The following SH3TC1 variants were observed in gnomAD, a reference collection of about 807,000 sequenced individuals.
SH3TC1 encodes the protein SH3 domain and tetratricopeptide repeat-containing protein 1.
Under a neutral mutation model 117.3 loss-of-function variants are expected in SH3TC1, and 135 were observed. The ratio of observed to expected loss-of-function variants is 1.15; its 90% CI spans 1.00 to 1.33. The LOEUF is 1.33. SH3TC1 is among the 40% of genes most tolerant of loss of function. SH3TC1 has a pLI of 0.00. For missense variants in SH3TC1, 2,092 were observed against 1,794.3 expected (o/e 1.17, Z -3.00); for synonymous variants, 898 against 816.9 (o/e 1.10, Z -1.69).
intron 7 of SH3TC1, 105 bp from the exon 8 acceptor site, chr4:8,218,165 AC>A (rs1719492831): frequency 4.4e-6 from 3 of 688,774 alleles, no homozygotes; most frequent in Non-Finnish European, 7.6e-6. Flanking sequence ...GAGGCGAGGG[AC>A]CTGCTCAGGT....
chr4:8,208,310 C>T (rs571393308), intron 2 of SH3TC1, among the ~76,000 whole-genome samples: 18 of 152,066 alleles, frequency 1.2e-4, no homozygotes, highest in Non-Finnish European at 2.2e-4. Context: ...TCAGGTGCAT[C>T]GGCCAACGGA....
In SH3TC1 at chr4:8,225,907, C is replaced by T. The variant is rs368803486; in HGVS notation, c.1285+691C>T. On this transcript the variant is annotated intron_variant, in intron 11 of 17. Coordinates refer to ENST00000245105, the MANE Select transcript of SH3TC1 (RefSeq NM_018986.5). The surrounding 1 kb of genome is among the most constrained non-coding windows in gnomAD (Gnocchi z 5.5). ...GGGAGGGGGTGGATCCACCCTCTGC[C>T]GAAGTCCCTGGAGCAAATGCGAGTG... 2.0e-5 allele frequency among the ~76,000 whole-genome samples: 3 copies of T among 152,086 alleles called. No individual in the cohort carries two copies. The highest frequency in any genetic ancestry group is 4.2e-4 in the South Asian group (2 of 4,808).
At chr4:8,219,795 C>T (rs1002932561) in intron 9 of SH3TC1, among the ~76,000 whole-genome samples, 3 of 152,216 alleles carry the variant, frequency 2.0e-5, no homozygotes, top group South Asian at 2.1e-4. Context: ...CCGTGGCTAC[C>T]GTGATAAGGC....
chr4:8,232,336 CGT>C lies in SH3TC1; in HGVS notation c.3131+182_3131+183del, dbSNP rs1578739876. ...GGTTGTCCCAGGGCTGCTGATGACC[CGT>C]GAGTCCCAGCTTGAGCTTCCCTTGT... On this transcript the variant is annotated intron_variant, in intron 13 of 17. Transcript: ENST00000245105. 3 of 1,537,420 alleles carry C rather than the reference CGT, an allele frequency of 2.0e-6. No homozygotes were observed. The East Asian group carries it at 6.8e-5, about 35-fold the overall frequency.
In SH3TC1 at chr4:8,235,880, C is replaced by A. The variant is rs562939382; in HGVS notation, c.3405+325C>A. The stretch of plus-strand genomic sequence containing the variant: ...ACACGTCAAAGGACACACGGCATGC[C>A]AGTGGGAGGCCCAGGGCCAGGGCCC... On this transcript the variant is annotated intron_variant, in intron 15 of 17. Transcript: ENST00000245105. 8.5e-3 allele frequency: 3,107 copies of A among 367,332 alleles called. 29 individuals carry two copies. The highest frequency in any genetic ancestry group is 0.012 in the Non-Finnish European group (2,454 of 203,214). The allele number at this position is 367,332 out of a possible 1,614,324, so 22.8% of individuals were successfully genotyped here.
chr4:8,202,588 A>G (rs961735693), intron 1 of SH3TC1, among the ~76,000 whole-genome samples: 3 of 152,118 alleles, frequency 2.0e-5, no homozygotes, highest in Admixed American at 6.5e-5. Context: ...CCACAAACTG[A>G]TCAATCAGAT....
intron 15 of SH3TC1, chr4:8,235,964 G>A (rs933220409): frequency 9.9e-5 from 40 of 405,912 alleles, no homozygotes; most frequent in African/African-American, 8.1e-4. Context: ...CTCATGGTGT[G>A]GCTCAGCCCT....
Position 8,227,125 on chromosome 4 carries a change from G to A in SH3TC1, c.1431G>A (p.Leu477=). 6.2e-7 allele frequency: 1 copy of A among 1,612,592 alleles called. No homozygotes were observed. Among genetic ancestry groups the A allele is most frequent in the Non-Finnish European group, 8.5e-7 (1 of 1,179,734 alleles). The change falls in exon 12 of 18, where the codon TTG becomes TTA. Residue 477 remains leucine, a synonymous_variant. Transcript: ENST00000245105. ...GLCAASSDVS[L]QDPEEPSFCL... is the part of the protein sequence containing the mutation. ...GTGCGGCATCCAGCGACGTGAGCTT[G>A]CAGGACCCCGAGGAGCCCTCCTTCT... is the stretch of plus-strand genomic sequence containing the variant.
rs191214030 is a variant in SH3TC1, at chr4:8,237,591, C to T, written c.3674C>T (p.Pro1225Leu). ...AAGGCCCTGTCGCTCTGCAACTCGCCGCTGGAGTTTGACGAGGAGACCCTC... is the reference window on the plus strand; with the variant it reads ...AAGGCCCTGTCGCTCTGCAACTCGCTGCTGGAGTTTGACGAGGAGACCCTC... Reference protein sequence around the residue: ...YLKALSLCNSPLEFDEETLYY... With the variant: ...YLKALSLCNSLLEFDEETLYY... Residue 1225 changes from proline to leucine, a missense_variant, in exon 17 of 18, where the codon CCG becomes CTG. Coordinates refer to ENST00000245105, the MANE Select transcript of SH3TC1 (RefSeq NM_018986.5). 382 of 1,612,500 alleles carry T rather than the reference C, an allele frequency of 2.4e-4. No homozygotes were observed. Among genetic ancestry groups the T allele is most frequent in the Middle Eastern group, 5.0e-4 (3 of 6,050 alleles).
At chr4:8,207,760 G>C (rs1293063743) in intron 2 of SH3TC1, among the ~76,000 whole-genome samples, 2 of 152,140 alleles carry the variant, frequency 1.3e-5, no homozygotes, top group African/African-American at 4.8e-5. Flanking sequence ...TCACTTTCTG[G>C]GACATGAGAT....
At position 8,192,516 on chromosome 4, in the gene SH3TC1, T is replaced by C. The variant is rs1717448707; in HGVS notation, c.-57+10306T>C. Among the ~76,000 whole-genome samples the C allele has an allele frequency of 1.5e-5, 2 of 135,992 alleles. No homozygotes were observed. Among genetic ancestry groups the C allele is most frequent in the African/African-American group, 2.8e-5 (1 of 35,510 alleles). The allele number at this position is 135,992 out of a possible 152,430, so 89.2% of individuals were successfully genotyped here. A position where few individuals can be genotyped will look rare whatever the true frequency, so the allele number is the denominator to read the frequency against. ...ATTTTATTTCATTTTATTTTTGAGATGGAGTCTCACTCTGTTGCCCAGGCT... is the reference window on the plus strand; with the variant it reads ...ATTTTATTTCATTTTATTTTTGAGACGGAGTCTCACTCTGTTGCCCAGGCT... On this transcript the variant is annotated intron_variant, in intron 1 of 16. Transcript: ENST00000508641. The surrounding 1 kb of genome is among the most constrained non-coding windows in gnomAD (Gnocchi z 4.1).
At position 8,223,631 on chromosome 4, in the gene SH3TC1, C is replaced by CTT. The variant is rs761152183; in HGVS notation, c.1243+679_1243+680dup. ...ACACAAATGTGTGGCTACACACCCA[C>CTT]TTTTTTTTTTTTTTTTTTTGAGACA... On this transcript the variant is annotated intron_variant, in intron 10 of 17. Transcript: ENST00000245105. 4.7e-4 allele frequency among the ~76,000 whole-genome samples: 64 copies of CTT among 136,502 alleles called. 1 individual carries two copies. Among genetic ancestry groups the CTT allele is most frequent in the East Asian group, 1.3e-3 (6 of 4,730 alleles). The allele number at this position is 136,502 out of a possible 152,430, so 89.6% of individuals were successfully genotyped here. A position where few individuals can be genotyped will look rare whatever the true frequency, so the allele number is the denominator to read the frequency against.
At chr4:8,212,005 G>A (rs1254475857) in intron 3 of SH3TC1, among the ~76,000 whole-genome samples, 6 of 151,942 alleles carry the variant, frequency 3.9e-5, no homozygotes, top group Admixed American at 6.5e-5. Flanking sequence ...GGTCAGACCC[G>A]CCAAGGCTCA....
rs1435112480 is a variant in SH3TC1, at chr4:8,233,210, C to A, written c.3132-153C>A. ...CTTGCCGTGTGTGTTCAACCCCACC[C>A]TCTCAGCAGCCCGGGAAGGGCAGGA... is the stretch of plus-strand genomic sequence containing the variant. On this transcript the variant is annotated intron_variant, in intron 13 of 17. Coordinates refer to ENST00000245105, the MANE Select transcript of SH3TC1 (RefSeq NM_018986.5). 61 of 1,414,742 alleles carry A rather than the reference C, an allele frequency of 4.3e-5. No homozygotes were observed. In the South Asian group the frequency reaches 9.5e-4, roughly 22 times the overall value. The allele number at this position is 1,414,742 out of a possible 1,614,324, so 87.6% of individuals were successfully genotyped here. A position where few individuals can be genotyped will look rare whatever the true frequency, so the allele number is the denominator to read the frequency against.
chr4:8,206,997 C>G lies in SH3TC1; in HGVS notation c.172+1631C>G, dbSNP rs1262076594. Reference sequence around the variant, plus strand: ...CATTGTAATTATTTCAATGTTAATTCCCTGCTTTTAATAACACCATCACCT... The same window carrying G: ...CATTGTAATTATTTCAATGTTAATTGCCTGCTTTTAATAACACCATCACCT... On this transcript the variant is annotated intron_variant, in intron 2 of 17. Coordinates refer to ENST00000245105, the MANE Select transcript of SH3TC1 (RefSeq NM_018986.5). The surrounding 1 kb of genome is among the most constrained non-coding windows in gnomAD (Gnocchi z 5.5). Among the ~76,000 whole-genome samples the G allele has an allele frequency of 6.6e-6, 1 of 151,430 alleles. No individual in the cohort carries two copies. The highest frequency in any genetic ancestry group is 1.5e-5 in the Non-Finnish European group (1 of 67,964).
At position 8,205,279 on chromosome 4, in the gene SH3TC1, C is replaced by A; in HGVS notation, c.85C>A (p.Arg29=). ...GGGACCCTCAGGAGGTGGCAGCACC[C>A]GGGACCAGGTCCGGACTGTGGTCAT... is the stretch of plus-strand genomic sequence containing the variant. The part of the protein sequence containing the change: ...PVGPSGGGST[R]DQVRTVVMRP... The change falls in exon 2 of 18, where the codon CGG becomes AGG. Residue 29 remains arginine, a synonymous_variant. Coordinates refer to ENST00000245105, the MANE Select transcript of SH3TC1 (RefSeq NM_018986.5). The surrounding 1 kb of genome is among the most constrained non-coding windows in gnomAD (Gnocchi z 5.4). 6.4e-7 allele frequency: 1 copy of A among 1,550,528 alleles called. No homozygotes were observed.
chr4:8,240,970 G>A lies in SH3TC1; in HGVS notation c.*15G>A. 1.2e-6 allele frequency: 2 copies of A among 1,604,958 alleles called. No homozygotes were observed. Among genetic ancestry groups the A allele is most frequent in the Non-Finnish European group, 1.7e-6 (2 of 1,178,442 alleles). ...ACCCTCGCTGAGGACAGCATCCAAG[G>A]GAGTGGGTTTTGTGCAAGGGCTGGG... On this transcript the variant is annotated 3_prime_UTR_variant, in exon 18 of 18. Coordinates refer to ENST00000245105, the MANE Select transcript of SH3TC1 (RefSeq NM_018986.5).
chr4:8,201,929 G>A (rs896580983), intron 1 of SH3TC1, among the ~76,000 whole-genome samples: 2 of 152,180 alleles, frequency 1.3e-5, no homozygotes, highest in Non-Finnish European at 2.9e-5. Context: ...TGCCTATAGG[G>A]ACATAAGACC....
upstream of SH3TC1, among the ~76,000 whole-genome samples, chr4:8,199,147 C>A (rs1176566615): frequency 6.6e-6 from 1 of 152,238 alleles, no homozygotes; most frequent in Non-Finnish European, 1.5e-5. Context: ...AGCTAATGAT[C>A]AACCGGCTGC....
Sources: gnomAD v4.1 joint callset for allele counts (sites outside exome capture counted in the v4.1 genomes callset) on GRCh38, gnomAD v4.1.1 for gene constraint, Gnocchi (gnomAD v3.1) non-coding constraint, MANE v1.5 for transcripts, NCBI Gene and HGNC (gene_info 2026-07-23, HGNC 2026-07-21) for gene names.